Variants in RORA observed in about 807,000 individuals in gnomAD.
The protein encoded by RORA is nuclear receptor ROR-alpha.
Under a neutral mutation model 69.5 loss-of-function variants are expected in RORA, and 7 were observed. The ratio of observed to expected loss-of-function variants is 0.10; its 90% confidence interval spans 0.06 to 0.19. The LOEUF (loss-of-function observed/expected upper bound fraction) is 0.19. RORA is among the 10% of genes least tolerant of loss of function. RORA has a pLI of 1.00. For synonymous variants in RORA, 261 were observed against 240.8 expected, an observed-to-expected ratio of 1.08 and a Z score of -0.78; for missense variants, 457 against 663.0, an observed-to-expected ratio of 0.69 and a Z score of 3.41.
At chr15:60,667,942 T>A (rs1225132111) in intron 2 of RORA, among the ~76,000 whole-genome samples, 3 of 151,980 alleles carry the variant, frequency 2.0e-5, no homozygotes, top group South Asian at 4.1e-4. Context: ...TGATTCTATT[T>A]TTTTTTTTTA....
At chr15:60,984,502 G>C (rs1894138926) in intron 1 of RORA, among the ~76,000 whole-genome samples, 1 of 151,670 alleles carries the variant, frequency 6.6e-6, no homozygotes, top group African/African-American at 2.4e-5. Context: ...GAGAGAGTGG[G>C]GGAATGTGGA....
At chr15:61,017,298 G>A (rs932955170) in intron 1 of RORA, among the ~76,000 whole-genome samples, 4 of 152,114 alleles carry the variant, frequency 2.6e-5, no homozygotes, top group Non-Finnish European at 4.4e-5. Flanking sequence ...TGCTGTCAAC[G>A]GTACTTGGTG....
chr15:61,219,361 T>G (rs2080072203), intron 1 of RORA, among the ~76,000 whole-genome samples: 1 of 152,116 alleles, frequency 6.6e-6, no homozygotes, highest in African/African-American at 2.4e-5. Context: ...GATCACGAGG[T>G]CAGGAGATCG....
intron 1 of RORA, among the ~76,000 whole-genome samples, chr15:60,981,111 T>TTC (rs1894031972): frequency 6.6e-6 from 1 of 151,662 alleles, no homozygotes; most frequent in South Asian, 2.1e-4. Flanking sequence ...TTTTTTTTTT[T>TTC]CAGCACTTTG....
chr15:61,016,682 C>G (rs1895300441), intron 1 of RORA, among the ~76,000 whole-genome samples: 1 of 152,146 alleles, frequency 6.6e-6, no homozygotes, highest in Non-Finnish European at 1.5e-5. Context: ...CCCAGAGAAT[C>G]TGCCCGGAGG....
At chr15:60,599,667 A>T (rs1304602442) in intron 2 of RORA, among the ~76,000 whole-genome samples, 1 of 151,496 alleles carries the variant, frequency 6.6e-6, no homozygotes, top group Non-Finnish European at 1.5e-5. Context: ...CACAGATAAG[A>T]AGGGGAGAAA....
chr15:60,557,786 T>G (rs1224412166), intron 2 of RORA, among the ~76,000 whole-genome samples: 2 of 152,246 alleles, frequency 1.3e-5, no homozygotes, highest in Non-Finnish European at 2.9e-5. Flanking sequence ...GAATCTCAGC[T>G]GATTAGAGCT....
rs142049739 is a variant in RORA at position 60,608,977 on chromosome 15, T to A, written c.196+69680A>T. ...AGTTTACAAAGGGCCCCCGTGTCTA[T>A]CATGACATTGGCCTTAGAAGTTAAG... On this transcript the variant is annotated intron_variant, in intron 2 of 10. Coordinates refer to ENST00000335670, the MANE Select transcript of RORA (RefSeq NM_134261.3). Among the ~76,000 whole-genome samples the A allele has an allele frequency of 5.1e-4, 77 of 152,336 alleles. No individual in the cohort carries two copies. The East Asian group carries it at 0.014, about 27-fold the overall frequency.
At chr15:60,609,571 C>T (rs1323488354) in intron 2 of RORA, among the ~76,000 whole-genome samples, 1 of 152,110 alleles carries the variant, frequency 6.6e-6, no homozygotes, top group Non-Finnish European at 1.5e-5. Flanking sequence ...GGTGGCCTAC[C>T]TTTCATCATT....
intron 2 of RORA, among the ~76,000 whole-genome samples, chr15:60,560,639 A>G (rs2140420415): frequency 6.6e-6 from 1 of 152,358 alleles, no homozygotes; most frequent in East Asian, 1.9e-4. Context: ...AGCCTGGGTC[A>G]CGGCTGCAGT....
At chr15:61,140,256 T>C (rs1283588168) in intron 1 of RORA, among the ~76,000 whole-genome samples, 1 of 152,122 alleles carries the variant, frequency 6.6e-6, no homozygotes, top group African/African-American at 2.4e-5. Flanking sequence ...TACCTAAAAT[T>C]TTCAGCAATA....
chr15:60,614,750 C>A, intron 2 of RORA: 1 of 678,998 alleles, frequency 1.5e-6, no homozygotes. Flanking sequence ...ATCTAAAACT[C>A]AGTTTTCTCA....
In RORA at chr15:60,531,800, A is replaced by C; in HGVS notation, c.248T>G (p.Ile83Ser). ...CKICGDKSSG[I>S]HYGVITCEGC... ...TTCACATGTAATGACACCATAATGGATTCCTGATGATTTGTCTCCACAGAT... is the reference window on the plus strand; with the variant it reads ...TTCACATGTAATGACACCATAATGGCTTCCTGATGATTTGTCTCCACAGAT... Residue 83 changes from isoleucine (I) to serine (S), a missense_variant, in exon 3 of 11, where the codon ATC becomes AGC. Around this residue, in one of 3 missense-constraint regions of RORA, gnomAD observed 34 missense variants for 123.2 expected, o/e 0.28. Coordinates refer to ENST00000335670, the MANE Select transcript of RORA (RefSeq NM_134261.3). This position sits in a 1 kb window ranked among gnomAD's most constrained non-coding sequence, Gnocchi z 4.8. The C allele has an allele frequency of 6.3e-7, 1 of 1,595,430 alleles. No homozygotes were observed. Among genetic ancestry groups the C allele is most frequent in the Admixed American group, 1.8e-5 (1 of 56,046 alleles).
intron 1 of RORA, among the ~76,000 whole-genome samples, chr15:61,207,630 A>G (rs2079954255): frequency 6.6e-6 from 1 of 152,214 alleles, no homozygotes; most frequent in Non-Finnish European, 1.5e-5. Flanking sequence ...TACATTTGGC[A>G]GTCTTCGTGA....
At chr15:61,175,557 A>ACAAAAAAAAC (rs1183331484) in intron 1 of RORA, among the ~76,000 whole-genome samples, 1 of 150,672 alleles carries the variant, frequency 6.6e-6, no homozygotes, top group East Asian at 2.0e-4. Context: ...AAAAAAAAAA[A>ACAAAAAAAAC]AACTTGCCAA....
chr15:61,176,986 G>A (rs562849810), intron 1 of RORA, among the ~76,000 whole-genome samples: 11 of 152,154 alleles, frequency 7.2e-5, no homozygotes, highest in Non-Finnish European at 1.2e-4. Context: ...CTCATAGGTC[G>A]GGGGAAGGGG....
intron 1 of RORA, among the ~76,000 whole-genome samples, chr15:60,956,785 GC>G: frequency 6.6e-6 from 1 of 152,256 alleles, no homozygotes; most frequent in Non-Finnish European, 1.5e-5. Context: ...ATCTTAGTAG[GC>G]CCCCTCATCC....
chr15:60,745,363 AG>A (rs2071632637), intron 1 of RORA, among the ~76,000 whole-genome samples: 1 of 152,210 alleles, frequency 6.6e-6, no homozygotes, highest in South Asian at 2.1e-4. Context: ...CCTGTGCAAA[AG>A]TCATCAGACA....
chr15:61,218,328 A>T (rs1413731928), intron 1 of RORA, among the ~76,000 whole-genome samples: 1 of 152,048 alleles, frequency 6.6e-6, no homozygotes, highest in African/African-American at 2.4e-5. Context: ...TTCAAGCTGA[A>T]TGACCCTTGT....
Sources: allele counts gnomAD v4.1 joint callset (sites outside exome capture counted in the v4.1 genomes callset), GRCh38; gene constraint gnomAD v4.1.1; regional missense constraint gnomAD v4.1.1; non-coding constraint Gnocchi (gnomAD v3.1); transcripts MANE v1.5; gene names NCBI Gene and HGNC (gene_info 2026-07-23, HGNC 2026-07-21).